The following NUP205 variants were observed in gnomAD, a reference collection of about 807,000 sequenced individuals.
NUP205 encodes the protein nuclear pore complex protein Nup205.
In NUP205, 76 loss-of-function variants were observed where a neutral mutation model predicts 253.8. The observed-to-expected ratio is 0.30, with a 90% confidence interval of 0.25 to 0.36. The LOEUF is 0.36. NUP205 is among the 10% of genes least tolerant of loss of function. NUP205 has a pLI of 1.00. For missense variants in NUP205, 2,162 were observed against 2,425.5 expected (o/e 0.89, Z 2.28); for synonymous variants, 832 against 850.1 (o/e 0.98, Z 0.37).
intron 19 of NUP205, among the ~76,000 whole-genome samples, chr7:135,605,069 CTTTT>C (rs1354787209): frequency 1.4e-5 from 2 of 142,212 alleles, no homozygotes; most frequent in African/African-American, 5.2e-5. Context: ...TTTTTTTCTT[CTTTT>C]GAGACAGGAA....
intron 10 of NUP205, among the ~76,000 whole-genome samples, chr7:135,589,323 T>C (rs1433115703): frequency 6.7e-6 from 1 of 150,348 alleles, no homozygotes; most frequent in East Asian, 1.9e-4. Flanking sequence ...TTCGCTCTTG[T>C]TGCCCAGGCT....
At chr7:135,623,107 G>A (rs140340223) in intron 31 of NUP205, among the ~76,000 whole-genome samples, 182 bp downstream of exon 31, 5,193 of 151,958 alleles carry the variant, frequency 0.034, 119 homozygotes, top group Middle Eastern at 0.1. Context: ...GTGAAACCCC[G>A]TCTCTACAAA....
chr7:135,609,810 G>A (rs1207196962), intron 22 of NUP205, among the ~76,000 whole-genome samples: 1 of 152,140 alleles, frequency 6.6e-6, no homozygotes, highest in African/African-American at 2.4e-5. Flanking sequence ...AGGTTTTCCT[G>A]TAAATCAAAA....
rs73158973 is a variant in NUP205, at chr7:135,557,955, C to T, written c.11C>T (p.Pro4Leu). MATPLAVNSAASLW... is the reference protein window; with the variant it reads MATLLAVNSAASLW... ...TAGTGCGCCTCTAAGATGGCGACGC[C>T]TTTGGCGGTAAATTCGGGTAAGTGT... The change falls in exon 1 of 43, where the codon CCT becomes CTT. Residue 4 changes from proline to leucine, a missense_variant. Pro to Leu is a moderately conservative substitution (Grantham distance 98). Around this residue, in one of 5 missense-constraint regions of NUP205, gnomAD observed 109 missense variants for 131.8 expected, o/e 0.83. Transcript: ENST00000285968. The T allele has an allele frequency of 6.3e-3, 10,110 of 1,613,878 alleles. 46 individuals carry two copies. The highest frequency in any genetic ancestry group is 8.9e-3 in the Middle Eastern group (54 of 6,060).
At position 135,557,979 on chromosome 7, in the gene NUP205, G is replaced by C; in HGVS notation, c.28+7G>C. ...CCTTTGGCGGTAAATTCGGGTAAGT[G>C]TGGCCAGACAGAAAGACGATTGAGC... On this transcript the variant is annotated splice_region_variant and intron_variant, in intron 1 of 42. Transcript: ENST00000285968. 1 of 1,611,858 alleles carries C rather than the reference G, an allele frequency of 6.2e-7. No individual in the cohort carries two copies. The highest frequency in any genetic ancestry group is 8.5e-7 in the Non-Finnish European group (1 of 1,177,892).
intron 13 of NUP205, 78 bp from the exon 14 acceptor site, chr7:135,597,290 G>T: frequency 9.9e-7 from 1 of 1,006,600 alleles, no homozygotes; most frequent in South Asian, 1.3e-5. Context: ...TGAGGTATGT[G>T]ACTATTATAT....
chr7:135,571,453 C>T (rs1272110327), intron 2 of NUP205, among the ~76,000 whole-genome samples: 1 of 150,802 alleles, frequency 6.6e-6, no homozygotes, highest in Non-Finnish European at 1.5e-5. Flanking sequence ...GTAGCCCAGG[C>T]TTGTCTTGGA....
At chr7:135,613,191 A>G (rs1376259744) in intron 22 of NUP205, among the ~76,000 whole-genome samples, 2 of 150,280 alleles carry the variant, frequency 1.3e-5, no homozygotes, top group East Asian at 3.9e-4. Context: ...ATTATGGGCT[A>G]TTTTTATTTT....
chr7:135,629,098 G>A (rs1449175501), intron 34 of NUP205, among the ~76,000 whole-genome samples: 1 of 152,186 alleles, frequency 6.6e-6, no homozygotes, highest in African/African-American at 2.4e-5. Context: ...ACTGAGTTCT[G>A]TGACCAGACA....
chr7:135,563,680 A>C (rs1805659732), intron 1 of NUP205, among the ~76,000 whole-genome samples: 1 of 152,076 alleles, frequency 6.6e-6, no homozygotes, highest in African/African-American at 2.4e-5. Context: ...AATTTTGAAA[A>C]ATTTATAGTG....
chr7:135,562,791 G>A (rs1400765818), intron 1 of NUP205, among the ~76,000 whole-genome samples: 2 of 151,852 alleles, frequency 1.3e-5, no homozygotes, highest in African/African-American at 4.8e-5. Context: ...GTATCTGCCC[G>A]CCTCGGTATC....
chr7:135,606,969 G>A (rs1177557252), intron 21 of NUP205, 54 bp downstream of exon 21: 1 of 1,525,702 alleles, frequency 6.6e-7, no homozygotes, highest in Non-Finnish European at 9.0e-7. Flanking sequence ...TGTATCTCAG[G>A]GGTCACTGAT....
At chr7:135,642,127 C>A (rs1794924970) in intron 38 of NUP205, among the ~76,000 whole-genome samples, 1 of 151,794 alleles carries the variant, frequency 6.6e-6, no homozygotes, top group Non-Finnish European at 1.5e-5. Flanking sequence ...TGGTGGCATG[C>A]GCCTGTAATC....
intron 22 of NUP205, among the ~76,000 whole-genome samples, chr7:135,608,189 C>T (rs974588367): frequency 7.9e-5 from 12 of 151,900 alleles, no homozygotes; most frequent in Admixed American, 7.2e-4. Context: ...CCATGCCCAG[C>T]TAATTTTTGT....
At chr7:135,629,328 C>CTT (rs201384808) in intron 34 of NUP205, among the ~76,000 whole-genome samples, 1 of 152,036 alleles carries the variant, frequency 6.6e-6, no homozygotes. Flanking sequence ...TTTATATCTC[C>CTT]TTTTTTTAAC....
At chr7:135,627,461 A>G (rs146754047) in intron 33 of NUP205, among the ~76,000 whole-genome samples, 21 of 152,332 alleles carry the variant, frequency 1.4e-4, no homozygotes, top group African/African-American at 4.6e-4. Context: ...TTTTCAGATT[A>G]GAGGTGCTCA....
intron 34 of NUP205, among the ~76,000 whole-genome samples, chr7:135,629,358 T>C (rs187351986): frequency 5.6e-4 from 85 of 152,206 alleles, no homozygotes; most frequent in African/African-American, 1.9e-3. Flanking sequence ...AGGAGAGTTA[T>C]GGCCAGGTGT....
chr7:135,588,067 T>C, intron 10 of NUP205, 75 bp downstream of exon 10: 1 of 1,320,268 alleles, frequency 7.6e-7, no homozygotes, highest in Non-Finnish European at 1.0e-6. Flanking sequence ...AGATATTACT[T>C]CCTGATTTTA....
chr7:135,644,344 C>T (rs941270992), intron 39 of NUP205, among the ~76,000 whole-genome samples: 1 of 152,182 alleles, frequency 6.6e-6, no homozygotes. Context: ...GGAATTGCAT[C>T]ATCATCATGA....
Sources: gnomAD v4.1 joint callset for allele counts (sites outside exome capture counted in the v4.1 genomes callset) on GRCh38, gnomAD v4.1.1 for gene constraint, gnomAD v4.1.1 regional missense constraint, MANE v1.5 for transcripts, NCBI Gene and HGNC (gene_info 2026-07-23, HGNC 2026-07-21) for gene names.